Variants in XKR9 observed in about 807,000 individuals in gnomAD.
The protein encoded by XKR9 is XK related 9, also known as XK-related protein 9.
XKR9 carries 32 observed loss-of-function variants against 32.0 expected under a neutral mutation model. The observed-to-expected ratio is 1.00, with a 90% CI of 0.76 to 1.34. The LOEUF (loss-of-function observed/expected upper bound fraction) is 1.34. Ranked by LOEUF, XKR9 falls within the 40% of genes most tolerant of loss-of-function variation. The pLI, the probability that XKR9 is intolerant of heterozygous loss-of-function variation, is 0.00. For missense variants in XKR9, 546 were observed against 429.7 expected (o/e 1.27, Z -2.39); for synonymous variants, 168 against 143.4 (o/e 1.17, Z -1.22).
At chr8:70,894,908 T>C in the XKR9 span, among the ~76,000 whole-genome samples, 1 of 152,022 alleles carries the variant, frequency 6.6e-6, no homozygotes, top group Non-Finnish European at 1.5e-5. Context: ...ATGAAGGGGA[T>C]CTGTGGCTAT....
the XKR9 span, among the ~76,000 whole-genome samples, chr8:71,015,425 C>T: frequency 1.3e-5 from 2 of 152,160 alleles, no homozygotes; most frequent in Non-Finnish European, 2.9e-5. Context: ...TGTTACCTAA[C>T]ATCTTACCAT....
the XKR9 span, among the ~76,000 whole-genome samples, chr8:71,018,982 G>T: frequency 6.6e-6 from 1 of 152,146 alleles, no homozygotes; most frequent in East Asian, 1.9e-4. Context: ...CTGAGAAAAA[G>T]CTGGATATCA....
At chr8:70,928,450 GT>G in the XKR9 span, among the ~76,000 whole-genome samples, 17 of 151,650 alleles carry the variant, frequency 1.1e-4, no homozygotes, top group African/African-American at 3.6e-4. Context: ...CTGTTGAAAA[GT>G]TTTTTTTTAA....
intron 3 of XKR9, among the ~76,000 whole-genome samples, chr8:70,682,957 A>G (rs930835791): frequency 6.6e-5 from 10 of 152,214 alleles, no homozygotes; most frequent in African/African-American, 2.2e-4. Context: ...TGCATGGTGT[A>G]TCCTTTAGTA....
chr8:70,710,761 A>C lies in XKR9; in HGVS notation c.493+3608A>C, dbSNP rs149139414. Among the ~76,000 whole-genome samples the C allele has an allele frequency of 5.9e-3, 893 of 151,722 alleles. 12 individuals carry two copies. Among genetic ancestry groups the C allele is most frequent in the African/African-American group, 0.021 (853 of 41,092 alleles). On this transcript the variant is annotated intron_variant, in intron 4 of 4. Transcript: ENST00000408926. ...CAAACAAAAAACAAAAGCAATTGCA[A>C]CAAAAAAAAAGTTGACAGGTGTGAC...
the XKR9 span, among the ~76,000 whole-genome samples, chr8:70,858,278 C>A: frequency 4.6e-4 from 70 of 152,228 alleles, 2 homozygotes; most frequent in South Asian, 0.012. Context: ...TCTCAGGATA[C>A]AAAATCAATG....
At chr8:71,027,760 CTCTCTT>C in the XKR9 span, among the ~76,000 whole-genome samples, 1 of 138,626 alleles carries the variant, frequency 7.2e-6, no homozygotes, top group Non-Finnish European at 1.6e-5. Context: ...GTCTTTTTCT[CTCTCTT>C]TCTTTTTTTT....
At chr8:70,915,505 C>A in the XKR9 span, among the ~76,000 whole-genome samples, 12 of 152,114 alleles carry the variant, frequency 7.9e-5, 1 homozygote, top group Admixed American at 7.9e-4. Flanking sequence ...AGATTTCTTT[C>A]ATTGTCATGA....
At chr8:70,920,902 C>T in the XKR9 span, among the ~76,000 whole-genome samples, 15 of 151,992 alleles carry the variant, frequency 9.9e-5, no homozygotes, top group African/African-American at 2.4e-4. Flanking sequence ...TCAGTAACAC[C>T]GATGAATAGA....
chr8:70,990,073 C>A, the XKR9 span, among the ~76,000 whole-genome samples: 1 of 152,120 alleles, frequency 6.6e-6, no homozygotes, highest in Non-Finnish European at 1.5e-5. Context: ...CTGTTTGTTC[C>A]TGGGCAAGCT....
At chr8:70,700,285 GCT>G (rs1187346731) in intron 3 of XKR9, among the ~76,000 whole-genome samples, 1 of 152,046 alleles carries the variant, frequency 6.6e-6, no homozygotes, top group Non-Finnish European at 1.5e-5. Flanking sequence ...CAGTTTTTCT[GCT>G]CTGTTTTTTC....
the XKR9 span, among the ~76,000 whole-genome samples, chr8:70,894,438 C>T: frequency 6.6e-6 from 1 of 152,086 alleles, no homozygotes; most frequent in African/African-American, 2.4e-5. Flanking sequence ...GGTGTCTCAA[C>T]CCAGCCACTT....
intron 4 of XKR9, among the ~76,000 whole-genome samples, chr8:70,721,027 G>C (rs1806261722): frequency 2.0e-5 from 3 of 152,100 alleles, no homozygotes; most frequent in African/African-American, 7.2e-5. Flanking sequence ...GTTTCGTCTT[G>C]GGAGGGCGTG....
chr8:70,954,277 A>G, the XKR9 span, among the ~76,000 whole-genome samples: 1 of 151,984 alleles, frequency 6.6e-6, no homozygotes, highest in Non-Finnish European at 1.5e-5. Flanking sequence ...CCCCAGAGAG[A>G]TGGGAGCTCT....
the XKR9 span, among the ~76,000 whole-genome samples, chr8:71,009,235 C>T: frequency 2.6e-5 from 4 of 152,124 alleles, no homozygotes; most frequent in Admixed American, 6.5e-5. Context: ...GCCCATGGGC[C>T]GCATGCAGCC....
At chr8:70,725,663 T>C (rs188624529) in intron 4 of XKR9, among the ~76,000 whole-genome samples, 2 of 152,280 alleles carry the variant, frequency 1.3e-5, no homozygotes, top group Admixed American at 6.5e-5. Context: ...CCCAGCACTT[T>C]GGGAGGCTGA....
chr8:70,833,105 T>G, the XKR9 span, among the ~76,000 whole-genome samples: 6 of 152,200 alleles, frequency 3.9e-5, no homozygotes, highest in Admixed American at 6.5e-5. Flanking sequence ...CCTGTGTATG[T>G]TTTCCTTAAG....
chr8:70,701,055 G>A (rs1270078177), intron 3 of XKR9, among the ~76,000 whole-genome samples: 3 of 152,196 alleles, frequency 2.0e-5, no homozygotes, highest in Non-Finnish European at 2.9e-5. Context: ...CAGTATTCGG[G>A]TGGGAGTGAC....
At chr8:70,719,843 C>A (rs1319208198) in intron 4 of XKR9, among the ~76,000 whole-genome samples, 1 of 151,882 alleles carries the variant, frequency 6.6e-6, no homozygotes, top group Non-Finnish European at 1.5e-5. Context: ...TCAGTGGTAC[C>A]TTGATGGTTA....
Sources: allele counts gnomAD v4.1 joint callset (sites outside exome capture counted in the v4.1 genomes callset), GRCh38; gene constraint gnomAD v4.1.1; transcripts MANE v1.5; gene names NCBI Gene and HGNC (gene_info 2026-07-23, HGNC 2026-07-21).